The following HPSE2 variants were observed in gnomAD, a reference collection of about 807,000 sequenced individuals.
HPSE2 encodes the protein heparanase 2 (inactive).
Under a neutral mutation model 60.5 loss-of-function variants are expected in HPSE2, and 38 were observed. The ratio of observed to expected loss-of-function variants is 0.63; its 90% CI spans 0.48 to 0.82. HPSE2 has a LOEUF of 0.82. Ranked by LOEUF, HPSE2 falls within the 40% of genes least tolerant of loss-of-function variation. The pLI is 0.00. For missense variants in HPSE2, 713 were observed against 740.4 expected (o/e 0.96, Z 0.43); for synonymous variants, 295 against 293.2 (o/e 1.01, Z -0.06).
At chr10:99,136,371 T>C (rs1178454010) in intron 3 of HPSE2, among the ~76,000 whole-genome samples, 1 of 151,904 alleles carries the variant, frequency 6.6e-6, no homozygotes, top group Admixed American at 6.6e-5. Flanking sequence ...AAAGAGGGAA[T>C]CCTCCCTAAC....
chr10:99,136,170 C>T (rs959868619), intron 3 of HPSE2, among the ~76,000 whole-genome samples: 8 of 152,160 alleles, frequency 5.3e-5, no homozygotes, highest in African/African-American at 1.9e-4. Context: ...ACACATACAC[C>T]CTCCCAAGTC....
chr10:98,807,313 T>C (rs1162466521), intron 3 of HPSE2, among the ~76,000 whole-genome samples: 2 of 152,206 alleles, frequency 1.3e-5, no homozygotes, highest in Non-Finnish European at 2.9e-5. Flanking sequence ...TTCATATTGC[T>C]GTGTCTGCTA....
the HPSE2 span, among the ~76,000 whole-genome samples, chr10:99,266,601 C>G: frequency 1.3e-5 from 2 of 152,262 alleles, no homozygotes; most frequent in African/African-American, 4.8e-5. Context: ...CTCTTGGGAG[C>G]TCTAGGGACC....
At chr10:99,231,593 T>C (rs749439434) in intron 2 of HPSE2, among the ~76,000 whole-genome samples, 17 of 152,158 alleles carry the variant, frequency 1.1e-4, no homozygotes, top group Non-Finnish European at 2.1e-4. Flanking sequence ...CAAAAAAGAT[T>C]GGCCTCTCAG....
chr10:98,658,563 T>C (rs1453934065), intron 6 of HPSE2, among the ~76,000 whole-genome samples: 2 of 152,130 alleles, frequency 1.3e-5, no homozygotes, highest in African/African-American at 4.8e-5. Context: ...CTTTTTTTTT[T>C]TTAGGGTTGG....
intron 3 of HPSE2, among the ~76,000 whole-genome samples, chr10:98,800,589 A>G (rs1279830057): frequency 2.0e-5 from 3 of 151,602 alleles, no homozygotes; most frequent in Non-Finnish European, 4.4e-5. Flanking sequence ...AGTGGCTATC[A>G]TGAGGAACTA....
chr10:98,871,351 C>G (rs1294617210), intron 3 of HPSE2, among the ~76,000 whole-genome samples: 5 of 151,790 alleles, frequency 3.3e-5, no homozygotes, highest in Non-Finnish European at 7.4e-5. Flanking sequence ...GGGTCCTTAC[C>G]CTCTCATAGG....
At chr10:98,867,273 G>A (rs1410009935) in intron 3 of HPSE2, among the ~76,000 whole-genome samples, 1 of 150,348 alleles carries the variant, frequency 6.7e-6, no homozygotes, top group Non-Finnish European at 1.5e-5. Flanking sequence ...GAATATATAA[G>A]GAACTCAAAC....
intron 3 of HPSE2, among the ~76,000 whole-genome samples, chr10:99,139,731 C>T (rs2135764923): frequency 6.6e-6 from 1 of 152,200 alleles, no homozygotes; most frequent in South Asian, 2.1e-4. Context: ...ACATGTGATA[C>T]AATCTTTAGC....
At chr10:98,626,268 A>C (rs987565324) in intron 7 of HPSE2, among the ~76,000 whole-genome samples, 4 of 152,254 alleles carry the variant, frequency 2.6e-5, no homozygotes, top group African/African-American at 9.6e-5. Flanking sequence ...TCCTACCACC[A>C]GGAAGTTCAA....
chr10:98,729,540 T>C (rs1368684028), intron 4 of HPSE2, among the ~76,000 whole-genome samples: 2 of 151,724 alleles, frequency 1.3e-5, no homozygotes, highest in Non-Finnish European at 2.9e-5. Context: ...ACCTGATAGG[T>C]GGAGTTTGCG....
intron 2 of HPSE2, among the ~76,000 whole-genome samples, chr10:99,190,466 A>C (rs1848180462): frequency 1.3e-5 from 2 of 152,234 alleles, no homozygotes; most frequent in South Asian, 4.1e-4. Flanking sequence ...CAACAACAAC[A>C]AAAAACTAAG....
intron 3 of HPSE2, among the ~76,000 whole-genome samples, chr10:98,984,008 G>T (rs547171293): frequency 5.3e-5 from 8 of 152,318 alleles, no homozygotes; most frequent in South Asian, 2.1e-4. Flanking sequence ...CTGGAACTGG[G>T]TGGAGCCCAC....
chr10:99,235,950 TCC>T, upstream of HPSE2: 2 of 636,372 alleles, frequency 3.1e-6, no homozygotes, highest in South Asian at 1.8e-5. Flanking sequence ...TCTCTCTCTC[TCC>T]CGCTCTCTCT....
chr10:98,678,192 C>T (rs1163932812), intron 6 of HPSE2, among the ~76,000 whole-genome samples: 2 of 149,006 alleles, frequency 1.3e-5, no homozygotes, highest in Non-Finnish European at 3.0e-5. Context: ...GAAACTATGA[C>T]TTTCAGTATA....
At chr10:99,212,932 G>A (rs1034433436) in intron 2 of HPSE2, among the ~76,000 whole-genome samples, 4 of 152,142 alleles carry the variant, frequency 2.6e-5, no homozygotes. Context: ...GTGCCTTGCA[G>A]AGGGTAGGTG....
intron 3 of HPSE2, among the ~76,000 whole-genome samples, chr10:98,912,745 C>G (rs1322487821): frequency 6.6e-6 from 1 of 151,832 alleles, no homozygotes; most frequent in Non-Finnish European, 1.5e-5. Flanking sequence ...ATTGAACTCT[C>G]AGAGATAGAG....
intron 9 of HPSE2, among the ~76,000 whole-genome samples, chr10:98,525,990 C>T (rs1942954727): frequency 1.3e-5 from 2 of 152,276 alleles, no homozygotes; most frequent in African/African-American, 2.4e-5. Flanking sequence ...AATGCATTGT[C>T]TAAGATGTAT....
At position 98,935,637 on chromosome 10, in the gene HPSE2, G is replaced by T. The variant is rs1442981587; in HGVS notation, c.611-191581C>A. Among the ~76,000 whole-genome samples the T allele has an allele frequency of 1.4e-5, 2 of 144,298 alleles. 1 individual carries two copies. Among genetic ancestry groups the T allele is most frequent in the Non-Finnish European group, 3.0e-5 (2 of 67,158 alleles). 94.7% of individuals were successfully genotyped at this position (144,298 alleles called of 152,430 possible). A position where few individuals can be genotyped will look rare whatever the true frequency, so the allele number is the denominator to read the frequency against. On this transcript the variant is annotated intron_variant, in intron 3 of 11. Transcript: ENST00000370552. ...TGAAGATTGCAGAACAGCAAAGATT[G>T]CTGCCGGCTCCTTCCTCTGGAAGCT...
Sources: allele counts gnomAD v4.1 joint callset (sites outside exome capture counted in the v4.1 genomes callset), GRCh38; gene constraint gnomAD v4.1.1; transcripts MANE v1.5; gene names NCBI Gene and HGNC (gene_info 2026-07-23, HGNC 2026-07-21).